The following XRN2 variants were observed in gnomAD, a reference collection of about 807,000 sequenced individuals.
XRN2 encodes the protein DHM1-like protein.
Under a neutral mutation model 138.5 loss-of-function variants are expected in XRN2, and 44 were observed. The ratio of observed to expected loss-of-function variants is 0.32; its 90% CI spans 0.25 to 0.41. The LOEUF is 0.41. XRN2 is among the 10% of genes least tolerant of loss of function. The pLI is 1.00. For missense variants in XRN2, 937 were observed against 1,169.3 expected (o/e 0.80, Z 2.90); for synonymous variants, 354 against 369.4 (o/e 0.96, Z 0.48).
chr20:21,381,705 C>A (rs1016174183), intron 27 of XRN2, among the ~76,000 whole-genome samples: 1 of 40,066 alleles, frequency 2.5e-5, no homozygotes, highest in Non-Finnish European at 4.0e-5. Context: ...TCTTTACTTA[C>A]ACACACATAC....
intron 28 of XRN2, among the ~76,000 whole-genome samples, chr20:21,383,428 A>G (rs2038906624): frequency 6.6e-6 from 1 of 152,212 alleles, no homozygotes. Flanking sequence ...GAATGATTTC[A>G]TTTATTCCTC....
intron 1 of XRN2, among the ~76,000 whole-genome samples, chr20:21,312,793 G>T (rs569972360): frequency 6.6e-6 from 1 of 152,016 alleles, no homozygotes; most frequent in South Asian, 2.1e-4. Flanking sequence ...TTTTAGTAGA[G>T]GTTTCACCAC....
intron 27 of XRN2, among the ~76,000 whole-genome samples, chr20:21,372,130 T>G (rs2038770718): frequency 1.3e-5 from 2 of 152,228 alleles, no homozygotes; most frequent in Admixed American, 6.5e-5. Context: ...GGGATTGATT[T>G]AGAGCAAGAA....
chr20:21,359,079 C>T (rs189905058), intron 24 of XRN2, among the ~76,000 whole-genome samples: 2 of 152,318 alleles, frequency 1.3e-5, no homozygotes, highest in Admixed American at 1.3e-4. Flanking sequence ...TTCTACTTAA[C>T]TTTCTAATTA....
At position 21,340,813 on chromosome 20, in the gene XRN2, G is replaced by A. The variant is rs372167550; in HGVS notation, c.1371G>A (p.Pro457=). 14 of 1,613,930 alleles carry A rather than the reference G, an allele frequency of 8.7e-6. No homozygotes were observed. In the African/African-American group the frequency reaches 9.3e-5, roughly 11 times the overall value. Reference sequence around the variant, plus strand: ...CAGGTTCTCAAGTAGCCAGTAATCCGAGACAAGCAGCCTATGAAATGAGGA... The same window carrying A: ...CAGGTTCTCAAGTAGCCAGTAATCCAAGACAAGCAGCCTATGAAATGAGGA... ...NSPGSQVASN[P]RQAAYEMRMQ... is the part of the protein sequence containing the mutation. Residue 457 remains proline (P), a synonymous_variant, in exon 15 of 30, where the codon CCG becomes CCA. Transcript: ENST00000377191.
intron 27 of XRN2, among the ~76,000 whole-genome samples, chr20:21,380,396 TAA>T (rs946484702): frequency 4.6e-5 from 7 of 152,242 alleles, no homozygotes; most frequent in African/African-American, 1.4e-4. Flanking sequence ...AAATGTATCT[TAA>T]GTTTTCCCAT....
chr20:21,382,349 G>A (rs1474020820), intron 28 of XRN2, among the ~76,000 whole-genome samples: 2 of 152,202 alleles, frequency 1.3e-5, no homozygotes, highest in African/African-American at 4.8e-5. Flanking sequence ...TTTTGGTCAG[G>A]CTAAACAAAT....
intron 28 of XRN2, among the ~76,000 whole-genome samples, chr20:21,386,526 T>C (rs2038938246): frequency 6.6e-6 from 1 of 152,262 alleles, no homozygotes; most frequent in Non-Finnish European, 1.5e-5. Context: ...GTTTACTCTT[T>C]GGATAGCATC....
Position 21,306,655 on chromosome 20 carries a change from T to A in XRN2, c.75+3182T>A. 2.6e-5 allele frequency among the ~76,000 whole-genome samples: 2 copies of A among 76,908 alleles called. 1 individual carries two copies. Among genetic ancestry groups the A allele is most frequent in the Non-Finnish European group, 6.1e-5 (2 of 32,644 alleles). 50.5% of individuals were successfully genotyped at this position (76,908 alleles called of 152,430 possible). ...TACTGTTGTAATTATTTTTATTACA[T>A]ACAAATAATAGAAGCACGTTATTTG... On this transcript the variant is annotated intron_variant, in intron 1 of 29. Coordinates refer to ENST00000377191, the MANE Select transcript of XRN2 (RefSeq NM_012255.5).
chr20:21,375,938 A>T lies in XRN2; in HGVS notation c.2585-6056A>T, dbSNP rs111343871. Among the ~76,000 whole-genome samples, 134 of 151,922 alleles carry T rather than the reference A, an allele frequency of 8.8e-4. 5 individuals are homozygous for T. The highest frequency in any genetic ancestry group is 3.0e-3 in the African/African-American group (126 of 41,452). ...ACTGCAAGCTCCGCCTCCCGGGTTC[A>T]TGCCATTCTCCTGCCTCAGCCTCCT... On this transcript the variant is annotated intron_variant, in intron 27 of 29. Transcript: ENST00000377191.
intron 13 of XRN2, among the ~76,000 whole-genome samples, chr20:21,336,643 A>G (rs2038298822): frequency 6.6e-6 from 1 of 152,222 alleles, no homozygotes; most frequent in African/African-American, 2.4e-5. Flanking sequence ...GCAAAAAACA[A>G]AAAAGGAGAC....
chr20:21,383,200 TTTTGA>T (rs1205462661), intron 28 of XRN2, among the ~76,000 whole-genome samples: 2 of 152,338 alleles, frequency 1.3e-5, no homozygotes, highest in South Asian at 4.1e-4. Flanking sequence ...TGTATTAATG[TTTTGA>T]TTTTAGTATA....
intron 27 of XRN2, among the ~76,000 whole-genome samples, chr20:21,377,561 G>GTTTT (rs5840914): frequency 6.8e-6 from 1 of 147,818 alleles, no homozygotes; most frequent in African/African-American, 2.5e-5. Flanking sequence ...TCCGGCCTGT[G>GTTTT]TTTTTTTTTT....
At chr20:21,352,024 G>T (rs6035853) in intron 20 of XRN2, among the ~76,000 whole-genome samples, 2 of 152,040 alleles carry the variant, frequency 1.3e-5, no homozygotes, top group Non-Finnish European at 2.9e-5. Context: ...TTCAAGGTCC[G>T]TTGAGATTTC....
intron 20 of XRN2, among the ~76,000 whole-genome samples, chr20:21,351,372 G>A (rs989933093): frequency 1.3e-5 from 2 of 152,118 alleles, no homozygotes; most frequent in African/African-American, 2.4e-5. Flanking sequence ...ATCGTTTCAT[G>A]TCCTTTTTGG....
intron 3 of XRN2, among the ~76,000 whole-genome samples, chr20:21,326,931 G>A (rs1012023095): frequency 3.9e-5 from 6 of 152,172 alleles, no homozygotes; most frequent in Non-Finnish European, 8.8e-5. Context: ...GCAGGGTGTT[G>A]AGGGAAGAGG....
At chr20:21,356,698 T>A in intron 23 of XRN2, 33 bp downstream of exon 23, 3 of 1,565,412 alleles carry the variant, frequency 1.9e-6, no homozygotes, top group Non-Finnish European at 2.6e-6. Context: ...TTGAGGTGAC[T>A]GGAAGGAAGT....
Position 21,334,493 on chromosome 20 carries a change from A to G in XRN2, c.1233+308A>G, listed in dbSNP as rs140756961. Among the ~76,000 whole-genome samples the G allele has an allele frequency of 3.4e-3, 518 of 152,252 alleles. 4 individuals are homozygous for G. Among genetic ancestry groups the G allele is most frequent in the African/African-American group, 0.012 (484 of 41,538 alleles). On this transcript the variant is annotated intron_variant, in intron 13 of 29. Coordinates refer to ENST00000377191, the MANE Select transcript of XRN2 (RefSeq NM_012255.5). ...ATGCGGGTACCAAGGCTGGAAGTCT[A>G]TTGGGATTGAACTAGTGGCTGTCAT...
At chr20:21,303,712 G>T (rs1386261449) in intron 1 of XRN2, 1 of 1,251,116 alleles carries the variant, frequency 8.0e-7, no homozygotes, top group East Asian at 3.5e-5. Context: ...TTCCGAACTC[G>T]CAGGAGGGTC....
Sources: allele counts gnomAD v4.1 joint callset (sites outside exome capture counted in the v4.1 genomes callset), GRCh38; gene constraint gnomAD v4.1.1; transcripts MANE v1.5; gene names NCBI Gene and HGNC (gene_info 2026-07-23, HGNC 2026-07-21).